The following TBC1D9 variants were observed in gnomAD, a reference collection of about 807,000 sequenced individuals.
The protein encoded by TBC1D9 is TBC1 domain family member 9A.
In TBC1D9, 63 loss-of-function variants were observed where a neutral mutation model predicts 132.0. The observed-to-expected ratio is 0.48, with a 90% confidence interval of 0.39 to 0.59. TBC1D9 has a LOEUF of 0.59. Ranked by LOEUF, TBC1D9 falls within the 20% of genes least tolerant of loss-of-function variation. TBC1D9 has a pLI of 0.00. For missense variants in TBC1D9, 1,261 were observed against 1,592.7 expected (o/e 0.79, Z 3.54); for synonymous variants, 610 against 609.9 (o/e 1.00, Z 0.00).
intron 1 of TBC1D9, among the ~76,000 whole-genome samples, chr4:140,739,979 G>C (rs1048297163): frequency 2.0e-5 from 3 of 152,206 alleles, no homozygotes; most frequent in African/African-American, 7.2e-5. Flanking sequence ...ACTCTAGCAA[G>C]TATCTGTCCA....
At chr4:140,717,913 T>C (rs759003792) in intron 1 of TBC1D9, among the ~76,000 whole-genome samples, 1 of 152,146 alleles carries the variant, frequency 6.6e-6, no homozygotes, top group Non-Finnish European at 1.5e-5. Flanking sequence ...AAGCTAGCAA[T>C]ATACTTGTTC....
At position 140,670,876 on chromosome 4, in the gene TBC1D9, T is replaced by C. The variant is rs1737525056; in HGVS notation, c.1110A>G (p.Leu370=). The part of the protein sequence containing the change: ...ADSSSVLPSP[L]SISTRNRMTF... ...TCATCCTGTTTCGGGTGCTGATGGA[T>C]AAGGGACTGGGGAGCACACTGGAGC... is the stretch of plus-strand genomic sequence containing the variant. The change falls in exon 7 of 21, where the codon TTA becomes TTG. Residue 370 remains leucine (L), a synonymous_variant. Coordinates refer to ENST00000442267, the MANE Select transcript of TBC1D9 (RefSeq NM_015130.3). The C allele has an allele frequency of 6.2e-7, 1 of 1,613,864 alleles. No individual in the cohort carries two copies. Among genetic ancestry groups the C allele is most frequent in the Non-Finnish European group, 8.5e-7 (1 of 1,179,888 alleles).
rs900670405 is a variant in TBC1D9 at position 140,661,764 on chromosome 4, G to A, written c.1803+129C>T. The A allele has an allele frequency of 1.9e-5, 14 of 746,074 alleles. No individual in the cohort carries two copies. In the African/African-American group the frequency reaches 2.3e-4, roughly 12 times the overall value. The allele number at this position is 746,074 out of a possible 1,614,324, so 46.2% of individuals were successfully genotyped here. A position where few individuals can be genotyped will look rare whatever the true frequency, so the allele number is the denominator to read the frequency against. On this transcript the variant is annotated intron_variant, in intron 10 of 20. Transcript: ENST00000442267. ...GAGTTAACAGTCCAGAGTGTCAACA[G>A]TGCCAAGGTTGAGAGGCCCTGGTAA...
intron 7 of TBC1D9, among the ~76,000 whole-genome samples, chr4:140,670,443 A>G (rs1355423279): frequency 6.6e-6 from 1 of 152,216 alleles, no homozygotes; most frequent in Non-Finnish European, 1.5e-5. Context: ...CAATGTCACT[A>G]TATGGACCTG....
At position 140,679,804 on chromosome 4, in the gene TBC1D9, C is replaced by G; in HGVS notation, c.400G>C (p.Glu134Gln). The change falls in exon 4 of 21, where the codon GAA becomes CAA. Residue 134 changes from glutamate to glutamine, a missense_variant. Glu to Gln is a conservative substitution (Grantham distance 29, BLOSUM62 2). Coordinates refer to ENST00000442267, the MANE Select transcript of TBC1D9 (RefSeq NM_015130.3). The part of the protein sequence containing the change: ...AEYNKINDVK[E>Q]DDDTEKFKEA... The stretch of plus-strand genomic sequence containing the variant: ...TTAAACTTCTCCGTGTCATCATCTT[C>G]CTTTACATCATTGATTTTGTTGTAT... 1.9e-6 allele frequency: 3 copies of G among 1,613,640 alleles called. No individual in the cohort carries two copies. The highest frequency in any genetic ancestry group is 2.5e-6 in the Non-Finnish European group (3 of 1,179,774).
intron 1 of TBC1D9, among the ~76,000 whole-genome samples, chr4:140,708,977 A>G (rs541116153): frequency 6.6e-6 from 1 of 152,290 alleles, no homozygotes; most frequent in East Asian, 1.9e-4. Context: ...TACTACCTTC[A>G]GTGTCGAATG....
chr4:140,662,022 C>T lies in TBC1D9; in HGVS notation c.1674G>A (p.Glu558=), dbSNP rs28465061. The T allele has an allele frequency of 0.039, 63,454 of 1,613,714 alleles. 1,955 individuals carry two copies. The highest frequency in any genetic ancestry group is 0.15 in the African/African-American group (11,554 of 74,936). Residue 558 remains glutamate, a synonymous_variant, in exon 10 of 21, where the codon GAG becomes GAA. Transcript: ENST00000442267. ...KSMGKYNLAT[E]EIERDLHRSL... ...AGCGGTGTAAATCCCTCTCAATCTCCTCCGTGGCGAGATTATACTTCCCCA... is the reference window on the plus strand; with the variant it reads ...AGCGGTGTAAATCCCTCTCAATCTCTTCCGTGGCGAGATTATACTTCCCCA...
Position 140,661,884 on chromosome 4 carries a change from G to A in TBC1D9, c.1803+9C>T. On this transcript the variant is annotated intron_variant, in intron 10 of 20. Transcript: ENST00000442267. The stretch of plus-strand genomic sequence containing the variant: ...TATTTTTTTAGCAAAAACCACCTGT[G>A]ACATTTACCTGGCAATACCCTATGT... 2 of 1,607,950 alleles carry A rather than the reference G, an allele frequency of 1.2e-6. No individual in the cohort carries two copies. The highest frequency in any genetic ancestry group is 1.7e-6 in the Non-Finnish European group (2 of 1,175,488).
chr4:140,743,239 A>G (rs1384885633), intron 1 of TBC1D9, among the ~76,000 whole-genome samples: 1 of 152,160 alleles, frequency 6.6e-6, no homozygotes, highest in Non-Finnish European at 1.5e-5. Context: ...CTCTTCCATT[A>G]CTCACACATT....
At chr4:140,660,296 T>C (rs1578829159) in intron 10 of TBC1D9, among the ~76,000 whole-genome samples, 1 of 152,194 alleles carries the variant, frequency 6.6e-6, no homozygotes, top group African/African-American at 2.4e-5. Flanking sequence ...AGATACCTCA[T>C]AACCACTCTA....
intron 1 of TBC1D9, among the ~76,000 whole-genome samples, chr4:140,753,570 C>T (rs773260217): frequency 1.6e-4 from 25 of 152,236 alleles, no homozygotes; most frequent in Non-Finnish European, 3.1e-4. Flanking sequence ...CCAGCTCTCA[C>T]GGACTCCTGA....
intron 1 of TBC1D9, among the ~76,000 whole-genome samples, chr4:140,733,083 T>C (rs1738623184): frequency 6.6e-6 from 1 of 152,158 alleles, no homozygotes; most frequent in African/African-American, 2.4e-5. Flanking sequence ...ACAAGCATTG[T>C]TCATAGAAAT....
chr4:140,696,600 G>C (rs1214469474), intron 2 of TBC1D9, among the ~76,000 whole-genome samples: 1 of 152,018 alleles, frequency 6.6e-6, no homozygotes, highest in African/African-American at 2.4e-5. Context: ...CAGTAAGATG[G>C]TCCAAAACAG....
At chr4:140,653,610 C>A (rs1304003923) in intron 13 of TBC1D9, among the ~76,000 whole-genome samples, 4 of 151,914 alleles carry the variant, frequency 2.6e-5, no homozygotes, top group African/African-American at 4.8e-5. Flanking sequence ...GGATTGAAAA[C>A]CACCAATTTA....
chr4:140,645,301 C>G, intron 13 of TBC1D9: 1 of 510,070 alleles, frequency 2.0e-6, no homozygotes, highest in Admixed American at 2.1e-5. Flanking sequence ...GAGGGTGCTC[C>G]TGGTCTGCCA....
chr4:140,647,673 G>A (rs1309764268), intron 13 of TBC1D9, among the ~76,000 whole-genome samples: 4 of 152,154 alleles, frequency 2.6e-5, no homozygotes, highest in African/African-American at 9.7e-5. Flanking sequence ...AAAGAGCCCC[G>A]TGTGTCTTAG....
chr4:140,686,628 T>C lies in TBC1D9; in HGVS notation c.242-166A>G, dbSNP rs146020316. ...CCAGAGGAGACACACACACAAGACA[T>C]TTAAGGATGTGGAAACGCAAGAGTA... is the stretch of plus-strand genomic sequence containing the variant. On this transcript the variant is annotated intron_variant, in intron 2 of 20. Coordinates refer to ENST00000442267, the MANE Select transcript of TBC1D9 (RefSeq NM_015130.3). Among the ~76,000 whole-genome samples, 339 of 152,272 alleles carry C rather than the reference T, an allele frequency of 2.2e-3. 3 individuals carry two copies. The highest frequency in any genetic ancestry group is 7.0e-3 in the African/African-American group (293 of 41,566).
chr4:140,670,856 C>T lies in TBC1D9; in HGVS notation c.1130G>A (p.Arg377Lys), dbSNP rs752078744. Residue 377 changes from arginine (R) to lysine (K), a missense_variant, in exon 7 of 21, where the codon AGG (arginine) becomes AAG (lysine). Transcript: ENST00000442267. ...PSPLSISTRN[R>K]MTFLFANLKD... ...CAAGTTGGCAAATAGGAAGGTCATCCTGTTTCGGGTGCTGATGGATAAGGG... is the reference window on the plus strand; with the variant it reads ...CAAGTTGGCAAATAGGAAGGTCATCTTGTTTCGGGTGCTGATGGATAAGGG... The T allele has an allele frequency of 1.2e-6, 2 of 1,613,994 alleles. No homozygotes were observed.
chr4:140,682,344 T>A (rs911999703), intron 3 of TBC1D9, among the ~76,000 whole-genome samples: 15 of 152,138 alleles, frequency 9.9e-5, no homozygotes, highest in African/African-American at 3.1e-4. Context: ...TTAAGCTCGA[T>A]GAAGGCCAGG....
Sources: allele counts gnomAD v4.1 joint callset (sites outside exome capture counted in the v4.1 genomes callset), GRCh38; gene constraint gnomAD v4.1.1; transcripts MANE v1.5; gene names NCBI Gene and HGNC (gene_info 2026-07-23, HGNC 2026-07-21).